The following TTC29 variants were observed in gnomAD, a reference collection of about 807,000 sequenced individuals.
The protein encoded by TTC29 is tetratricopeptide repeat domain 29.
In TTC29, 49 loss-of-function variants were observed where a neutral mutation model predicts 58.1. That is an observed-to-expected ratio of 0.84 (90% CI 0.67 to 1.07). TTC29 has a LOEUF of 1.07. Ranked by LOEUF, TTC29 falls within the 50% of genes least tolerant of loss-of-function variation. TTC29 has a pLI of 0.00. For missense variants in TTC29, 582 were observed against 555.6 expected (o/e 1.05, Z -0.48); for synonymous variants, 209 against 196.8 (o/e 1.06, Z -0.52).
At chr4:146,896,067 A>AT (rs1343965669) in intron 6 of TTC29, among the ~76,000 whole-genome samples, 1 of 152,098 alleles carries the variant, frequency 6.6e-6, no homozygotes, top group African/African-American at 2.4e-5. Flanking sequence ...CTAATGTGCG[A>AT]TTTTTTGCAA....
In TTC29 at chr4:146,903,541, C is replaced by A. The variant is rs968621922; in HGVS notation, c.586+3G>T. ...CAAGGCATCCTGGCAAATGCCCACT[C>A]ACCATCTTCCTCGTAGAGAAGACCC... On this transcript the variant is annotated splice_donor_region_variant and intron_variant, in intron 6 of 12. Coordinates refer to ENST00000325106, the MANE Select transcript of TTC29 (RefSeq NM_031956.4). 2.5e-6 allele frequency: 4 copies of A among 1,595,366 alleles called. No individual in the cohort carries two copies. The African/African-American group carries it at 4.1e-5, about 16-fold the overall frequency.
intron 11 of TTC29, among the ~76,000 whole-genome samples, chr4:146,767,814 G>A (rs928499999): frequency 1.1e-4 from 17 of 152,018 alleles, no homozygotes; most frequent in African/African-American, 4.1e-4. Flanking sequence ...TTTCAGACCT[G>A]AATAATGTCT....
rs113849951 is a variant in TTC29, at chr4:146,737,602, G to A, written c.1331-30051C>T. On this transcript the variant is annotated intron_variant, in intron 11 of 12. Coordinates refer to ENST00000325106, the MANE Select transcript of TTC29 (RefSeq NM_031956.4). ...ATGCTAGTAGCCCTGGGGGGGGGGG[G>A]GCTACAAACGGGTCTTGACAGGAAT... Among the ~76,000 whole-genome samples the A allele has an allele frequency of 2.5e-3, 354 of 139,018 alleles. 14 individuals are homozygous for A. Among genetic ancestry groups the A allele is most frequent in the African/African-American group, 8.6e-3 (338 of 39,474 alleles). The allele number at this position is 139,018 out of a possible 152,430, so 91.2% of individuals were successfully genotyped here.
chr4:146,914,598 T>C (rs1734098203), intron 4 of TTC29, among the ~76,000 whole-genome samples: 1 of 152,154 alleles, frequency 6.6e-6, no homozygotes, highest in Non-Finnish European at 1.5e-5. Flanking sequence ...AAGCAAAAGT[T>C]GTCACATTCG....
At chr4:146,942,734 TG>T (rs1402603569) in intron 2 of TTC29, 10 of 970,818 alleles carry the variant, frequency 1.0e-5, no homozygotes, top group Non-Finnish European at 1.5e-5. Flanking sequence ...TTGCCTCATT[TG>T]GGGCATTCCA....
intron 11 of TTC29, among the ~76,000 whole-genome samples, chr4:146,789,692 G>A (rs1010560715): frequency 8.6e-5 from 13 of 151,854 alleles, no homozygotes; most frequent in East Asian, 5.8e-4. Context: ...GAAAAGTATC[G>A]GAGTACTTCA....
intron 10 of TTC29, among the ~76,000 whole-genome samples, chr4:146,810,440 T>C (rs1214123255): frequency 6.6e-6 from 1 of 152,126 alleles, no homozygotes; most frequent in Non-Finnish European, 1.5e-5. Context: ...TAAAAGGTGG[T>C]CAAATATTGG....
At chr4:146,827,674 G>T (rs67970900) in intron 9 of TTC29, among the ~76,000 whole-genome samples, 64,332 of 151,952 alleles carry the variant, frequency 0.42, 14,824 homozygotes, top group African/African-American at 0.59. Flanking sequence ...GGCCACAAGT[G>T]GCTGTGGGAT....
chr4:146,709,545 T>TATC (rs1291408832), intron 11 of TTC29, among the ~76,000 whole-genome samples: 3 of 152,144 alleles, frequency 2.0e-5, no homozygotes, highest in Non-Finnish European at 1.5e-5. Context: ...TAAATCTAGT[T>TATC]ATCTGCCTAC....
At chr4:146,893,035 A>G (rs1023148298) in intron 6 of TTC29, among the ~76,000 whole-genome samples, 3 of 152,240 alleles carry the variant, frequency 2.0e-5, no homozygotes, top group African/African-American at 7.2e-5. Flanking sequence ...AAAAGAGGAT[A>G]CAAACAAATG....
intron 11 of TTC29, among the ~76,000 whole-genome samples, 170 bp from the exon 12 acceptor site, chr4:146,707,721 C>G (rs1222980237): frequency 6.6e-6 from 1 of 152,110 alleles, no homozygotes; most frequent in Non-Finnish European, 1.5e-5. Flanking sequence ...CCACAACAAT[C>G]TCTCCCACTC....
chr4:146,914,996 T>C (rs1212795946), intron 4 of TTC29, among the ~76,000 whole-genome samples: 1 of 152,174 alleles, frequency 6.6e-6, no homozygotes, highest in African/African-American at 2.4e-5. Flanking sequence ...ATAGCTACTA[T>C]TTATAGAACA....
intron 11 of TTC29, among the ~76,000 whole-genome samples, chr4:146,780,526 G>A (rs571191075): frequency 9.4e-4 from 143 of 152,066 alleles, no homozygotes; most frequent in Admixed American, 1.6e-3. Flanking sequence ...AATGAGATAA[G>A]ACATTCAGGA....
At chr4:146,871,718 C>G (rs1183485721) in intron 7 of TTC29, among the ~76,000 whole-genome samples, 1 of 151,632 alleles carries the variant, frequency 6.6e-6, no homozygotes. Flanking sequence ...AGTACATATA[C>G]ACTGACAACT....
At chr4:146,734,210 G>A (rs1166428408) in intron 11 of TTC29, among the ~76,000 whole-genome samples, 2 of 152,130 alleles carry the variant, frequency 1.3e-5, no homozygotes, top group Non-Finnish European at 2.9e-5. Context: ...TTTATAGGTA[G>A]AATTTCAGCC....
At chr4:146,829,339 GT>G (rs1482531147) in intron 9 of TTC29, among the ~76,000 whole-genome samples, 5 of 152,174 alleles carry the variant, frequency 3.3e-5, no homozygotes, top group Non-Finnish European at 5.9e-5. Context: ...AAAGGATGTG[GT>G]TGAGTGAACA....
chr4:146,769,417 A>T (rs1056880124), intron 11 of TTC29, among the ~76,000 whole-genome samples: 1 of 152,020 alleles, frequency 6.6e-6, no homozygotes, highest in Non-Finnish European at 1.5e-5. Flanking sequence ...ATGGGATTTG[A>T]CTAAGTATAA....
At position 146,858,082 on chromosome 4, in the gene TTC29, A is replaced by T. The variant is rs72733708; in HGVS notation, c.885+9416T>A. ...TCATTATCCAGTTATAGTTACATCA[A>T]TCTGTAGTGATAATGGTATCTTACA... is the stretch of plus-strand genomic sequence containing the variant. On this transcript the variant is annotated intron_variant, in intron 8 of 12. Coordinates refer to ENST00000325106, the MANE Select transcript of TTC29 (RefSeq NM_031956.4). 9.4e-3 allele frequency among the ~76,000 whole-genome samples: 1,436 copies of T among 152,350 alleles called. 13 individuals carry two copies. Among genetic ancestry groups the T allele is most frequent in the Non-Finnish European group, 0.014 (949 of 68,036 alleles).
intron 11 of TTC29, among the ~76,000 whole-genome samples, chr4:146,782,306 T>C (rs1748677374): frequency 1.3e-5 from 2 of 151,816 alleles, no homozygotes; most frequent in African/African-American, 2.4e-5. Flanking sequence ...AGTTATTTAG[T>C]GTATTATTTA....
Sources: allele counts gnomAD v4.1 joint callset (sites outside exome capture counted in the v4.1 genomes callset), GRCh38; gene constraint gnomAD v4.1.1; transcripts MANE v1.5; gene names NCBI Gene and HGNC (gene_info 2026-07-23, HGNC 2026-07-21).